The following CNTN4 variants were observed in gnomAD, a reference collection of about 807,000 sequenced individuals.
CNTN4 encodes the protein contactin-4.
CNTN4 carries 77 observed loss-of-function variants against 122.5 expected under a neutral mutation model. The ratio of observed to expected loss-of-function variants is 0.63; its 90% CI spans 0.52 to 0.76. The LOEUF is 0.76. Among genes scored for constraint, CNTN4 ranks in the 30% least tolerant of loss-of-function variants. CNTN4 has a pLI of 0.00. For synonymous variants in CNTN4, 512 were observed against 447.0 expected (o/e 1.15, Z -1.83); for missense variants, 1,256 against 1,259.1 (o/e 1.00, Z 0.04).
chr3:2,978,572 T>A (rs1030981280), intron 13 of CNTN4, among the ~76,000 whole-genome samples: 1 of 152,232 alleles, frequency 6.6e-6, no homozygotes, highest in Non-Finnish European at 1.5e-5. Context: ...TTATATGAAA[T>A]CATACAATTA....
intron 12 of CNTN4, among the ~76,000 whole-genome samples, chr3:2,913,226 CAGAA>C (rs931113927): frequency 3.4e-4 from 52 of 152,180 alleles, no homozygotes; most frequent in Admixed American, 2.7e-3. Flanking sequence ...CTTTTGAAGA[CAGAA>C]AGAGGAGAAA....
At chr3:2,983,576 G>T (rs1052839577) in intron 13 of CNTN4, among the ~76,000 whole-genome samples, 42 of 152,270 alleles carry the variant, frequency 2.8e-4, no homozygotes, top group Middle Eastern at 3.4e-3. Flanking sequence ...TTACATGTCA[G>T]GCATCGTTCT....
At chr3:2,534,057 C>T (rs1017532356) in intron 3 of CNTN4, among the ~76,000 whole-genome samples, 5 of 151,884 alleles carry the variant, frequency 3.3e-5, no homozygotes, top group African/African-American at 9.7e-5. Flanking sequence ...CTGTAGGTTG[C>T]CTGTTCACTC....
chr3:2,769,624 T>C (rs2091002929), intron 6 of CNTN4, among the ~76,000 whole-genome samples: 1 of 152,192 alleles, frequency 6.6e-6, no homozygotes, highest in African/African-American at 2.4e-5. Context: ...GTGGTAACTT[T>C]TAGTATCCAT....
intron 6 of CNTN4, among the ~76,000 whole-genome samples, chr3:2,755,834 T>C (rs574789740): frequency 1.3e-5 from 2 of 152,250 alleles, no homozygotes; most frequent in East Asian, 3.9e-4. Flanking sequence ...ATCAGACTTT[T>C]AAAAAACATG....
At position 2,988,473 on chromosome 3, in the gene CNTN4, G is replaced by A. The variant is rs1457926826; in HGVS notation, c.1486+1G>A. ...AGTACTGGAAACTTGGTAGTGAAAGGTAATGGCTAACCCAAAGAATTCGAA... is the reference window on the plus strand; with the variant it reads ...AGTACTGGAAACTTGGTAGTGAAAGATAATGGCTAACCCAAAGAATTCGAA... On this transcript the variant is annotated splice_donor_variant, in intron 14 of 24. Transcript: ENST00000418658. LOFTEE classifies it high-confidence loss of function. 1.9e-6 allele frequency: 3 copies of A among 1,613,528 alleles called. No homozygotes were observed. The highest frequency in any genetic ancestry group is 1.7e-6 in the Non-Finnish European group (2 of 1,179,704).
At chr3:2,195,703 T>C in intron 2 of CNTN4, among the ~76,000 whole-genome samples, 1 of 152,196 alleles carries the variant, frequency 6.6e-6, no homozygotes, top group East Asian at 1.9e-4. Context: ...CTGACAAGTG[T>C]CACTCTGGGA....
intron 13 of CNTN4, among the ~76,000 whole-genome samples, chr3:2,938,963 T>A (rs984460395): frequency 6.6e-6 from 1 of 152,170 alleles, no homozygotes; most frequent in African/African-American, 2.4e-5. Context: ...AGACAGGCAG[T>A]GCTTTGTGCC....
At chr3:3,001,630 T>A (rs975110386) in intron 14 of CNTN4, among the ~76,000 whole-genome samples, 2 of 152,212 alleles carry the variant, frequency 1.3e-5, no homozygotes, top group Non-Finnish European at 2.9e-5. Flanking sequence ...CTTATAGCTC[T>A]AAATCACATG....
In CNTN4 at chr3:2,806,325, G is replaced by A. The variant is rs111832920; in HGVS notation, c.359-13161G>A. Reference sequence around the variant, plus strand: ...TGCGTATCATATCTGGATTGTAAACGTCTTGAGATCAGGGACCATGTTGGA... The same window carrying A: ...TGCGTATCATATCTGGATTGTAAACATCTTGAGATCAGGGACCATGTTGGA... On this transcript the variant is annotated intron_variant, in intron 6 of 24. Transcript: ENST00000418658. 7.4e-3 allele frequency among the ~76,000 whole-genome samples: 1,125 copies of A among 152,264 alleles called. 22 individuals are homozygous for A. The highest frequency in any genetic ancestry group is 0.024 in the African/African-American group (1,004 of 41,548).
chr3:2,510,211 C>T (rs745397632), intron 3 of CNTN4, among the ~76,000 whole-genome samples: 5 of 152,110 alleles, frequency 3.3e-5, no homozygotes, highest in East Asian at 3.9e-4. Context: ...AGTGCTATTA[C>T]GAGGTGTAAG....
intron 23 of CNTN4, among the ~76,000 whole-genome samples, chr3:3,045,482 G>A (rs1700553462): frequency 6.6e-6 from 1 of 152,250 alleles, no homozygotes; most frequent in Non-Finnish European, 1.5e-5. Flanking sequence ...AATATTTGCT[G>A]TTTTGCAGCC....
intron 3 of CNTN4, among the ~76,000 whole-genome samples, chr3:2,501,206 G>C (rs2076585438): frequency 6.6e-6 from 1 of 152,000 alleles, no homozygotes; most frequent in African/African-American, 2.4e-5. Flanking sequence ...TTTTTGTGAG[G>C]TTTCAAATGG....
chr3:2,470,386 T>A (rs1419410192), intron 3 of CNTN4, among the ~76,000 whole-genome samples: 2 of 152,172 alleles, frequency 1.3e-5, no homozygotes, highest in African/African-American at 4.8e-5. Flanking sequence ...TGTTGCTTAT[T>A]TTTATAAAAC....
chr3:2,521,582 G>T (rs1044823973), intron 3 of CNTN4, among the ~76,000 whole-genome samples: 3 of 152,022 alleles, frequency 2.0e-5, no homozygotes, highest in Admixed American at 1.3e-4. Flanking sequence ...TACTATTAAA[G>T]ATAATAATTT....
chr3:3,003,950 G>A (rs1270727069), intron 14 of CNTN4, among the ~76,000 whole-genome samples: 1 of 151,974 alleles, frequency 6.6e-6, no homozygotes, highest in Non-Finnish European at 1.5e-5. Flanking sequence ...TGTAGAGACA[G>A]GGTTTCGCCA....
intron 2 of CNTN4, among the ~76,000 whole-genome samples, chr3:2,191,328 C>T (rs1173495720): frequency 6.6e-6 from 1 of 151,154 alleles, no homozygotes; most frequent in Admixed American, 6.6e-5. Context: ...CCAAAATAAT[C>T]TATTTTCACA....
At position 2,585,861 on chromosome 3, in the gene CNTN4, C is replaced by T. The variant is rs142033085; in HGVS notation, c.55+14303C>T. Among the ~76,000 whole-genome samples the T allele has an allele frequency of 3.7e-3, 555 of 149,860 alleles. 4 individuals carry two copies. Among genetic ancestry groups the T allele is most frequent in the African/African-American group, 0.013 (525 of 40,672 alleles). On this transcript the variant is annotated intron_variant, in intron 4 of 24. Transcript: ENST00000418658. ...AATAAAAAAAAAAAAGAAAAGTAAC[C>T]CAATACAGAGGGGGAGAAAAAAAAA...
chr3:2,139,110 G>GAGAGCC (rs1221841797), intron 2 of CNTN4, among the ~76,000 whole-genome samples: 4 of 152,124 alleles, frequency 2.6e-5, no homozygotes, highest in African/African-American at 7.2e-5. Flanking sequence ...AATGAATCAG[G>GAGAGCC]AGAGCCAGTG....
Sources: gnomAD v4.1 joint callset for allele counts (sites outside exome capture counted in the v4.1 genomes callset) on GRCh38, gnomAD v4.1.1 for gene constraint, MANE v1.5 for transcripts, NCBI Gene and HGNC (gene_info 2026-07-23, HGNC 2026-07-21) for gene names.